Variants in PCDH9 observed in about 807,000 individuals in gnomAD.
PCDH9 encodes the protein protocadherin 9.
In PCDH9, 24 loss-of-function variants were observed where a neutral mutation model predicts 70.6. The observed-to-expected ratio is 0.34, with a 90% CI of 0.25 to 0.48. The LOEUF (loss-of-function observed/expected upper bound fraction) is 0.48. PCDH9 is among the 20% of genes least tolerant of loss of function. The probability of loss-of-function intolerance (pLI) is 0.99; values close to 1 mark genes in which losing one functional copy is unlikely to be tolerated. For synonymous variants in PCDH9, 562 were observed against 558.5 expected, an observed-to-expected ratio of 1.01 and a Z score of -0.09; for missense variants, 1,281 against 1,503.6, an observed-to-expected ratio of 0.85 and a Z score of 2.45.
intron 4 of PCDH9, among the ~76,000 whole-genome samples, chr13:66,509,552 A>C (rs1471321942): frequency 6.6e-6 from 1 of 152,146 alleles, no homozygotes; most frequent in Non-Finnish European, 1.5e-5. Flanking sequence ...AATCGTTAAA[A>C]ATCTTTTCAC....
chr13:67,040,829 C>T (rs2085099932), intron 2 of PCDH9, among the ~76,000 whole-genome samples: 1 of 150,546 alleles, frequency 6.6e-6, no homozygotes, highest in East Asian at 1.9e-4. Flanking sequence ...AACAATACAT[C>T]AAATTGCAGT....
intron 2 of PCDH9, chr13:67,214,368 T>C (rs952216295): frequency 6.6e-6 from 1 of 152,170 alleles, no homozygotes; most frequent in African/African-American, 2.4e-5. Flanking sequence ...ATGGAATAAT[T>C]GGAAGCAAGA....
intron 4 of PCDH9, among the ~76,000 whole-genome samples, chr13:66,368,825 G>C (rs1303676836): frequency 6.6e-6 from 1 of 152,014 alleles, no homozygotes; most frequent in Non-Finnish European, 1.5e-5. Flanking sequence ...TACATGGATG[G>C]CAGCAGGCAA....
chr13:66,911,462 T>C (rs528922540), intron 2 of PCDH9, among the ~76,000 whole-genome samples: 1 of 152,350 alleles, frequency 6.6e-6, no homozygotes, highest in South Asian at 2.1e-4. Flanking sequence ...ACCATTTTTA[T>C]GAGAATCACA....
chr13:66,476,326 A>C (rs867593707), intron 4 of PCDH9, among the ~76,000 whole-genome samples: 3 of 152,116 alleles, frequency 2.0e-5, no homozygotes, highest in Middle Eastern at 6.8e-3. Context: ...AATCACTAAA[A>C]TATTATATGA....
intron 2 of PCDH9, among the ~76,000 whole-genome samples, chr13:67,071,339 C>A (rs2085758064): frequency 6.6e-6 from 1 of 152,182 alleles, no homozygotes; most frequent in Non-Finnish European, 1.5e-5. Context: ...CAATTGATAT[C>A]ACTATGTAAT....
In PCDH9 at chr13:66,903,484, T is replaced by C. The variant is rs2082309706; in HGVS notation, c.3138+20A>G. ...AAAATTTATCAGTACTAACATGTTC[T>C]CTATAGATATATGGCATACCTCGTA... On this transcript the variant is annotated intron_variant, in intron 3 of 4. Coordinates refer to ENST00000377865, the MANE Select transcript of PCDH9 (RefSeq NM_203487.3). 9.8e-7 allele frequency: 1 copy of C among 1,016,384 alleles called. No homozygotes were observed. The highest frequency in any genetic ancestry group is 1.8e-5 in the Admixed American group (1 of 55,168). The allele number at this position is 1,016,384 out of a possible 1,614,324, so 63.0% of individuals were successfully genotyped here. A position where few individuals can be genotyped will look rare whatever the true frequency, so the allele number is the denominator to read the frequency against.
At chr13:66,341,904 G>A (rs1176912944) in intron 4 of PCDH9, among the ~76,000 whole-genome samples, 7 of 152,146 alleles carry the variant, frequency 4.6e-5, no homozygotes, top group Non-Finnish European at 7.3e-5. Flanking sequence ...CGTGCACTTT[G>A]CTAGCAGCTA....
At chr13:67,178,263 A>G (rs1420744587) in intron 2 of PCDH9, among the ~76,000 whole-genome samples, 13 of 152,090 alleles carry the variant, frequency 8.5e-5, no homozygotes, top group Admixed American at 8.5e-4. Flanking sequence ...AAACTAAAAT[A>G]TGTTAGAATT....
chr13:66,760,828 G>C (rs2079614952), intron 3 of PCDH9, among the ~76,000 whole-genome samples: 1 of 152,096 alleles, frequency 6.6e-6, no homozygotes, highest in African/African-American at 2.4e-5. Flanking sequence ...CTCGAAAATG[G>C]CTGCTCTGGG....
chr13:66,689,362 T>G (rs2078450213), intron 3 of PCDH9, among the ~76,000 whole-genome samples: 1 of 152,114 alleles, frequency 6.6e-6, no homozygotes, highest in Non-Finnish European at 1.5e-5. Context: ...CCCATATTAT[T>G]TAAACTACTA....
At chr13:66,615,535 T>G (rs1249819111) in intron 4 of PCDH9, among the ~76,000 whole-genome samples, 2 of 152,224 alleles carry the variant, frequency 1.3e-5, no homozygotes, top group Non-Finnish European at 2.9e-5. Flanking sequence ...TTAATCCTTT[T>G]CAAAGATGGT....
In PCDH9 at chr13:67,192,413, A is replaced by G. The variant is rs374598548; in HGVS notation, c.3036+32992T>C. Among the ~76,000 whole-genome samples, 5 of 152,320 alleles carry G rather than the reference A, an allele frequency of 3.3e-5. No homozygotes were observed. The East Asian group carries it at 7.7e-4, about 24-fold the overall frequency. ...TTCTAAAGGTTTCTCTGACGATCCC[A>G]GTCAGAAATAATAGCTTCCATTTCT... On this transcript the variant is annotated intron_variant, in intron 2 of 4. Transcript: ENST00000377865.
At chr13:66,643,585 C>T (rs189330077) in intron 3 of PCDH9, among the ~76,000 whole-genome samples, 1 of 151,974 alleles carries the variant, frequency 6.6e-6, no homozygotes, top group Non-Finnish European at 1.5e-5. Context: ...TAATTTGTTT[C>T]TTCTGGATAC....
chr13:67,078,967 G>C (rs2085932103), intron 2 of PCDH9, among the ~76,000 whole-genome samples: 1 of 151,964 alleles, frequency 6.6e-6, no homozygotes, highest in African/African-American at 2.4e-5. Flanking sequence ...TAAGAAAATG[G>C]CAGTTTATAG....
At chr13:66,792,266 GC>G (rs2080175291) in intron 3 of PCDH9, among the ~76,000 whole-genome samples, 1 of 152,150 alleles carries the variant, frequency 6.6e-6, no homozygotes, top group South Asian at 2.1e-4. Context: ...CCAAGGACAT[GC>G]CATTAAAAAT....
chr13:67,034,653 A>G (rs1326872500), intron 2 of PCDH9, among the ~76,000 whole-genome samples: 1 of 150,066 alleles, frequency 6.7e-6, no homozygotes, highest in African/African-American at 2.4e-5. Context: ...TTTATGCTAG[A>G]AAGTCCTTCC....
chr13:67,014,513 T>C (rs894726042), intron 2 of PCDH9, among the ~76,000 whole-genome samples: 3 of 152,254 alleles, frequency 2.0e-5, no homozygotes, highest in African/African-American at 7.2e-5. Flanking sequence ...TGCTTTTATG[T>C]TAGTTCTACC....
At chr13:66,724,900 G>C (rs568033986) in intron 3 of PCDH9, among the ~76,000 whole-genome samples, 1 of 152,136 alleles carries the variant, frequency 6.6e-6, no homozygotes, top group African/African-American at 2.4e-5. Context: ...TGAATTAATG[G>C]CCTCTTTTTG....
Sources: allele counts gnomAD v4.1 joint callset (sites outside exome capture counted in the v4.1 genomes callset), GRCh38; gene constraint gnomAD v4.1.1; transcripts MANE v1.5; gene names NCBI Gene and HGNC (gene_info 2026-07-23, HGNC 2026-07-21).